Variants in TBC1D22A observed in about 807,000 individuals in gnomAD.
TBC1D22A encodes TBC1 domain family member 22A.
A neutral mutation model predicts 60.2 loss-of-function variants in TBC1D22A; 38 were observed. The observed-to-expected ratio is 0.63, with a 90% CI of 0.49 to 0.83. The LOEUF (loss-of-function observed/expected upper bound fraction) is 0.83. Among genes scored for constraint, TBC1D22A ranks in the 40% least tolerant of loss-of-function variants. The probability of loss-of-function intolerance (pLI) is 0.00; values close to 1 mark genes in which losing one functional copy is unlikely to be tolerated. For missense variants in TBC1D22A, 628 were observed against 701.0 expected (o/e 0.90, Z 1.18); for synonymous variants, 302 against 281.7 (o/e 1.07, Z -0.72).
At chr22:47,131,181 C>T (rs2066665618) in intron 12 of TBC1D22A, among the ~76,000 whole-genome samples, 1 of 152,218 alleles carries the variant, frequency 6.6e-6, no homozygotes, top group Non-Finnish European at 1.5e-5. Context: ...CACCAGGCCC[C>T]ACTGCCAACA....
chr22:47,094,302 A>G (rs1362637015), intron 11 of TBC1D22A, among the ~76,000 whole-genome samples: 2 of 152,228 alleles, frequency 1.3e-5, no homozygotes, highest in Non-Finnish European at 2.9e-5. Flanking sequence ...CTGTGGGACG[A>G]TTGGGTGGGT....
At chr22:47,020,572 A>T (rs955184609) in intron 10 of TBC1D22A, among the ~76,000 whole-genome samples, 17 of 151,758 alleles carry the variant, frequency 1.1e-4, no homozygotes, top group Non-Finnish European at 7.4e-5. Flanking sequence ...TCCTCTCCTG[A>T]TTCTCTGCCA....
chr22:46,944,168 T>C (rs1032465836), intron 8 of TBC1D22A, among the ~76,000 whole-genome samples: 1 of 152,170 alleles, frequency 6.6e-6, no homozygotes, highest in African/African-American at 2.4e-5. Context: ...AGGAGGAGGG[T>C]TGTGTTTCTC....
chr22:46,910,312 T>C (rs888344666), intron 7 of TBC1D22A, among the ~76,000 whole-genome samples: 1 of 152,094 alleles, frequency 6.6e-6, no homozygotes, highest in African/African-American at 2.4e-5. Context: ...GTTGAGAGAC[T>C]TCACCTGTCG....
At chr22:46,827,833 C>G (rs1206659338) in intron 4 of TBC1D22A, among the ~76,000 whole-genome samples, 1 of 152,206 alleles carries the variant, frequency 6.6e-6, no homozygotes, top group Non-Finnish European at 1.5e-5. Context: ...AAGACTTCAT[C>G]TGGAGGTGCT....
intron 7 of TBC1D22A, among the ~76,000 whole-genome samples, chr22:46,904,076 A>G (rs1373530319): frequency 1.3e-5 from 2 of 148,294 alleles, no homozygotes; most frequent in Non-Finnish European, 3.0e-5. Flanking sequence ...GTATGTATAC[A>G]TATATACATA....
intron 11 of TBC1D22A, among the ~76,000 whole-genome samples, chr22:47,100,305 C>T (rs904037190): frequency 6.6e-6 from 1 of 151,690 alleles, no homozygotes; most frequent in African/African-American, 2.4e-5. Flanking sequence ...AGGGGTGAGG[C>T]ATGGGGAATA....
intron 4 of TBC1D22A, among the ~76,000 whole-genome samples, chr22:46,812,852 A>G (rs1477815859): frequency 6.6e-6 from 1 of 152,208 alleles, no homozygotes; most frequent in East Asian, 1.9e-4. Context: ...TAATGTTAGC[A>G]TTTATCTTTT....
intron 1 of TBC1D22A, among the ~76,000 whole-genome samples, chr22:46,774,575 C>T (rs1424538729): frequency 1.3e-5 from 2 of 152,248 alleles, no homozygotes; most frequent in Non-Finnish European, 2.9e-5. Context: ...TGGCAGCCCC[C>T]CGGGGCAGGG....
At chr22:46,875,537 C>T (rs1234374743) in intron 4 of TBC1D22A, among the ~76,000 whole-genome samples, 3 of 151,942 alleles carry the variant, frequency 2.0e-5, no homozygotes, top group Non-Finnish European at 4.4e-5. Flanking sequence ...CTGCAGCCTC[C>T]GCCTCCCAGG....
intron 10 of TBC1D22A, among the ~76,000 whole-genome samples, chr22:47,035,468 G>A (rs1227069156): frequency 6.6e-6 from 1 of 152,184 alleles, no homozygotes; most frequent in African/African-American, 2.4e-5. Flanking sequence ...CAGTTCTGCA[G>A]TTTCCACAAT....
intron 10 of TBC1D22A, among the ~76,000 whole-genome samples, chr22:47,036,389 C>T (rs757110582): frequency 3.3e-5 from 5 of 152,138 alleles, no homozygotes; most frequent in Admixed American, 1.3e-4. Context: ...GCAGGGAGCA[C>T]GGGGTCTGAG....
At chr22:47,140,684 C>T (rs1453131984) in intron 12 of TBC1D22A, among the ~76,000 whole-genome samples, 1 of 152,254 alleles carries the variant, frequency 6.6e-6, no homozygotes, top group African/African-American at 2.4e-5. Flanking sequence ...GGGATGCCTG[C>T]CCCTGCCTTT....
intron 12 of TBC1D22A, among the ~76,000 whole-genome samples, chr22:47,164,198 C>T (rs1317557268): frequency 2.0e-5 from 3 of 152,236 alleles, no homozygotes; most frequent in Non-Finnish European, 4.4e-5. Context: ...GCAGGAGCCC[C>T]TCCCCGCAGG....
chr22:46,977,376 G>T (rs558015771), intron 9 of TBC1D22A, among the ~76,000 whole-genome samples: 72 of 152,108 alleles, frequency 4.7e-4, no homozygotes, highest in Non-Finnish European at 9.6e-4. Context: ...CTCTGCAGGT[G>T]CTCAGAGAGG....
intron 1 of TBC1D22A, among the ~76,000 whole-genome samples, chr22:46,787,484 T>C (rs2084209757): frequency 6.6e-6 from 1 of 152,180 alleles, no homozygotes; most frequent in East Asian, 1.9e-4. Flanking sequence ...AACATTTCTT[T>C]TGAAAAGTTG....
intron 4 of TBC1D22A, 104 bp downstream of exon 4, chr22:46,797,724 G>C (rs191354981): frequency 8.3e-7 from 1 of 1,199,286 alleles, no homozygotes; most frequent in Admixed American, 3.6e-5. Flanking sequence ...ATGCACACGC[G>C]TCCGTGTGTA....
At chr22:46,929,711 T>C (rs60814634) in intron 8 of TBC1D22A, among the ~76,000 whole-genome samples, 237 of 74,674 alleles carry the variant, frequency 3.2e-3, no homozygotes, top group African/African-American at 0.012. Flanking sequence ...TGTGTGTGTG[T>C]GTGTGCGTGT....
At chr22:47,161,834 G>T (rs4823472) in intron 12 of TBC1D22A, among the ~76,000 whole-genome samples, 1 of 151,824 alleles carries the variant, frequency 6.6e-6, no homozygotes, top group Non-Finnish European at 1.5e-5. Context: ...GGGGCCCTTC[G>T]AGCATCCTCA....
Sources: allele counts gnomAD v4.1 joint callset (sites outside exome capture counted in the v4.1 genomes callset), GRCh38; gene constraint gnomAD v4.1.1; transcripts MANE v1.5; gene names NCBI Gene and HGNC (gene_info 2026-07-23, HGNC 2026-07-21).